Variants in RNF14 observed in about 807,000 individuals in gnomAD.
The protein encoded by RNF14 is E3 ubiquitin-protein ligase RNF14.
In RNF14, 26 loss-of-function variants were observed where a neutral mutation model predicts 52.6. The observed-to-expected ratio is 0.49, with a 90% CI of 0.36 to 0.69. The LOEUF is 0.69. Ranked by LOEUF, RNF14 falls within the 30% of genes least tolerant of loss-of-function variation. The probability of loss-of-function intolerance (pLI) is 0.00; values close to 1 mark genes in which losing one functional copy is unlikely to be tolerated. For missense variants in RNF14, 404 were observed against 560.4 expected, an observed-to-expected ratio of 0.72 and a Z score of 2.82; for synonymous variants, 194 against 202.0, an observed-to-expected ratio of 0.96 and a Z score of 0.34.
At chr5:141,960,840 G>A (rs1400048807) in intron 1 of RNF14, among the ~76,000 whole-genome samples, 1 of 152,208 alleles carries the variant, frequency 6.6e-6, no homozygotes, top group African/African-American at 2.4e-5. Flanking sequence ...AGAAGAGGGA[G>A]GGAGCCTAGT....
chr5:141,975,648 G>A (rs1014794684), intron 4 of RNF14, among the ~76,000 whole-genome samples: 6 of 152,114 alleles, frequency 3.9e-5, no homozygotes, highest in African/African-American at 1.4e-4. Flanking sequence ...AAGCATTCTG[G>A]GAGAGATAAT....
At chr5:141,955,595 G>C (rs748195711), upstream of RNF14, 3 of 1,614,140 alleles carry the variant, frequency 1.9e-6, no homozygotes, top group South Asian at 2.2e-5. This position sits in a 1 kb window ranked among gnomAD's most constrained non-coding sequence, Gnocchi z 5.5. Context: ...TCGGCCTCCC[G>C]ACAGTTGTAG....
chr5:141,972,629 C>T (rs1753881668), intron 2 of RNF14, among the ~76,000 whole-genome samples: 1 of 152,052 alleles, frequency 6.6e-6, no homozygotes, highest in Non-Finnish European at 1.5e-5. Flanking sequence ...CTGACTCTGT[C>T]GCCCAGGCTG....
intron 1 of RNF14, among the ~76,000 whole-genome samples, chr5:141,970,303 T>C (rs1389608581): frequency 6.6e-6 from 1 of 152,130 alleles, no homozygotes; most frequent in Non-Finnish European, 1.5e-5. Context: ...ACTGGCAGGC[T>C]TAATTCATGA....
At chr5:141,960,546 G>A (rs1753265604) in intron 1 of RNF14, among the ~76,000 whole-genome samples, 1 of 152,164 alleles carries the variant, frequency 6.6e-6, no homozygotes, top group African/African-American at 2.4e-5. Flanking sequence ...GGGGTCCTCA[G>A]ATGATGCAGT....
At chr5:141,958,241 C>T (rs1753219694), upstream of RNF14, 1 of 188,512 alleles carries the variant, frequency 5.3e-6, no homozygotes, top group South Asian at 1.3e-4. Flanking sequence ...CTATGGAAAC[C>T]CCACCTACAG....
upstream of RNF14, among the ~76,000 whole-genome samples, chr5:141,965,767 A>G (rs1484700443): frequency 6.6e-6 from 1 of 152,154 alleles, no homozygotes; most frequent in Admixed American, 6.5e-5. Context: ...ATGAGAACAC[A>G]TGGTCACAAA....
intron 4 of RNF14, among the ~76,000 whole-genome samples, chr5:141,977,008 C>T (rs1219866349): frequency 1.3e-5 from 2 of 152,178 alleles, no homozygotes; most frequent in Non-Finnish European, 2.9e-5. Context: ...CCAGGCTGAT[C>T]ACCAACCCCT....
upstream of RNF14, among the ~76,000 whole-genome samples, chr5:141,954,422 G>A (rs1336176469): frequency 6.6e-6 from 1 of 152,244 alleles, no homozygotes; most frequent in East Asian, 1.9e-4. Context: ...AATTTGCTGA[G>A]TACTGACTAC....
chr5:141,956,550 G>T (rs140142979), upstream of RNF14: 330 of 1,614,086 alleles, frequency 2.0e-4, no homozygotes, highest in Middle Eastern at 3.3e-4. Flanking sequence ...GGAGTCCTTG[G>T]TCTTGGGCTA....
upstream of RNF14, chr5:141,957,220 TC>T: frequency 6.2e-7 from 1 of 1,614,084 alleles, no homozygotes. This position sits in a 1 kb window ranked among gnomAD's most constrained non-coding sequence, Gnocchi z 4.3. Flanking sequence ...TAACACCAGA[TC>T]AAAAAATGAA....
intron 8 of RNF14, among the ~76,000 whole-genome samples, chr5:141,986,314 A>G (rs1354988448): frequency 6.6e-6 from 1 of 152,248 alleles, no homozygotes; most frequent in African/African-American, 2.4e-5. Context: ...AAGCCCTGCC[A>G]TGAACTATTG....
rs947257136 is a variant in RNF14, at chr5:141,988,481, A to G, written c.*691A>G. On this transcript the variant is annotated 3_prime_UTR_variant, in exon 9 of 9. Coordinates refer to ENST00000394520, the MANE Select transcript of RNF14 (RefSeq NM_004290.5). ...GGTCCACTGGTTTCAGGCCAAATCT[A>G]GAATTTAGTGATACTGGCTCAGAAG... The G allele has an allele frequency of 1.3e-5, 2 of 152,384 alleles. No homozygotes were observed. Among genetic ancestry groups the G allele is most frequent in the Non-Finnish European group, 2.9e-5 (2 of 68,048 alleles). 9.4% of individuals were successfully genotyped at this position (152,384 alleles called of 1,614,324 possible).
At chr5:141,949,649 A>G in the RNF14 span, 1 of 1,551,458 alleles carries the variant, frequency 6.4e-7, no homozygotes, top group East Asian at 2.3e-5. Flanking sequence ...ATTCATGCCC[A>G]TTCATGTTTG....
chr5:141,987,049 C>T (rs773443982), intron 8 of RNF14, among the ~76,000 whole-genome samples: 1 of 152,172 alleles, frequency 6.6e-6, no homozygotes, highest in Non-Finnish European at 1.5e-5. Flanking sequence ...AAATGCTGGT[C>T]GGTTTTTGTG....
At chr5:141,955,287 C>G (rs1426969974), upstream of RNF14, 2 of 1,614,220 alleles carry the variant, frequency 1.2e-6, no homozygotes, top group Non-Finnish European at 1.7e-6. The surrounding 1 kb of genome is among the most constrained non-coding windows in gnomAD (Gnocchi z 5.5). Context: ...AGGCATTCCT[C>G]TGCCTGGGAT....
At chr5:141,955,976 C>G, upstream of RNF14, 2 of 1,614,192 alleles carry the variant, frequency 1.2e-6, no homozygotes, top group Non-Finnish European at 1.7e-6. The surrounding 1 kb of genome is among the most constrained non-coding windows in gnomAD (Gnocchi z 5.5). Flanking sequence ...CCCGAGTCTG[C>G]ATCTCTTGCC....
At chr5:141,956,401 GC>G, upstream of RNF14, 2 of 1,614,256 alleles carry the variant, frequency 1.2e-6, no homozygotes, top group Non-Finnish European at 1.7e-6. Context: ...TGCATCATGA[GC>G]CTTGATGGTA....
upstream of RNF14, among the ~76,000 whole-genome samples, chr5:141,962,753 T>C (rs753440407): frequency 2.6e-5 from 4 of 152,228 alleles, no homozygotes; most frequent in Non-Finnish European, 5.9e-5. Flanking sequence ...ATTTATTTTG[T>C]GCGTTAGTAA....
Sources: gnomAD v4.1 joint callset for allele counts (sites outside exome capture counted in the v4.1 genomes callset) on GRCh38, gnomAD v4.1.1 for gene constraint, Gnocchi (gnomAD v3.1) non-coding constraint, MANE v1.5 for transcripts, NCBI Gene and HGNC (gene_info 2026-07-23, HGNC 2026-07-21) for gene names.